ZMYM2: variants seen among roughly 807,000 people sequenced by gnomAD.
ZMYM2 encodes the protein zinc finger MYM-type protein 2.
Under a neutral mutation model 162.8 loss-of-function variants are expected in ZMYM2, and 56 were observed. That is an observed-to-expected ratio of 0.34 (90% CI 0.28 to 0.43). The LOEUF (loss-of-function observed/expected upper bound fraction) is 0.43. ZMYM2 is among the 20% of genes least tolerant of loss of function. The pLI is 1.00. For synonymous variants in ZMYM2, 510 were observed against 541.6 expected, an observed-to-expected ratio of 0.94 and a Z score of 0.81; for missense variants, 1,275 against 1,621.8, an observed-to-expected ratio of 0.79 and a Z score of 3.67.
the ZMYM2 span, chr13:19,864,084 C>G: frequency 6.6e-6 from 1 of 152,580 alleles, no homozygotes; most frequent in Admixed American, 6.5e-5. Context: ...CCCAACGCCT[C>G]TGCTCGAGGA....
At chr13:19,962,399 G>A (rs1165777755) in intron 2 of ZMYM2, among the ~76,000 whole-genome samples, 1 of 148,082 alleles carries the variant, frequency 6.8e-6, no homozygotes. Context: ...TGTCTCTCTA[G>A]CATTAATATG....
At chr13:19,971,340 G>A (rs59270756) in intron 2 of ZMYM2, among the ~76,000 whole-genome samples, 1 of 139,742 alleles carries the variant, frequency 7.2e-6, no homozygotes, top group East Asian at 2.2e-4. Flanking sequence ...GTGTGATCTC[G>A]GCTCACCACC....
intron 9 of ZMYM2, among the ~76,000 whole-genome samples, chr13:20,030,587 A>G (rs1305546014): frequency 1.3e-5 from 2 of 151,952 alleles, no homozygotes; most frequent in Non-Finnish European, 2.9e-5. Context: ...TTTAGTAGAG[A>G]CGGGGTTTTA....
At chr13:19,939,020 ATTT>A in the ZMYM2 span, among the ~76,000 whole-genome samples, 293 of 124,104 alleles carry the variant, frequency 2.4e-3, no homozygotes, top group Middle Eastern at 0.021. Context: ...CTTTGTTGTA[ATTT>A]TTTTTTTTTT....
chr13:19,879,149 TGA>T, the ZMYM2 span, among the ~76,000 whole-genome samples: 1 of 152,186 alleles, frequency 6.6e-6, no homozygotes, highest in Non-Finnish European at 1.5e-5. Context: ...TGATTCATTT[TGA>T]GTTAATTTTT....
At chr13:20,046,801 C>T (rs1226315420) in intron 12 of ZMYM2, among the ~76,000 whole-genome samples, 1 of 151,364 alleles carries the variant, frequency 6.6e-6, no homozygotes. Context: ...TTGTAGATGT[C>T]GTGTGTTCCA....
chr13:20,072,453 G>A lies in ZMYM2; in HGVS notation c.3453+5063G>A, dbSNP rs188338467. ...GGAGAATTGCTTGAACCTGGGAGGC[G>A]GAGGTTGCAGTGAGCTGAGATCACG... On this transcript the variant is annotated intron_variant, in intron 21 of 24. Coordinates refer to ENST00000610343, the MANE Select transcript of ZMYM2 (RefSeq NM_197968.4). Among the ~76,000 whole-genome samples, 182 of 152,258 alleles carry A rather than the reference G, an allele frequency of 1.2e-3. 2 individuals carry two copies. Among genetic ancestry groups the A allele is most frequent in the Middle Eastern group, 6.8e-3 (2 of 294 alleles).
chr13:19,885,925 ATG>A, the ZMYM2 span, among the ~76,000 whole-genome samples: 2 of 23,826 alleles, frequency 8.4e-5, 1 homozygote, highest in Non-Finnish European at 2.0e-4. Flanking sequence ...ACACATATAT[ATG>A]TGTATACACA....
chr13:20,029,855 T>C lies in ZMYM2; in HGVS notation c.1852-1464T>C, dbSNP rs369202764. 9.2e-5 allele frequency among the ~76,000 whole-genome samples: 14 copies of C among 152,194 alleles called. No individual in the cohort carries two copies. The East Asian group carries it at 2.7e-3, about 29-fold the overall frequency. On this transcript the variant is annotated intron_variant, in intron 9 of 24. Coordinates refer to ENST00000610343, the MANE Select transcript of ZMYM2 (RefSeq NM_197968.4). ...CTCTGTTGCCCAGGCTGGGGTGCAG[T>C]GGCATGATCTCGGCTCGCTGCAATC...
At chr13:19,965,301 T>G in intron 2 of ZMYM2, 1 of 1,284,782 alleles carries the variant, frequency 7.8e-7, no homozygotes, top group Non-Finnish European at 1.0e-6. Context: ...GACAACTAAA[T>G]TTTTGGGTTT....
At chr13:19,945,249 A>AT in the ZMYM2 span, among the ~76,000 whole-genome samples, 1 of 151,962 alleles carries the variant, frequency 6.6e-6, no homozygotes, top group Non-Finnish European at 1.5e-5. Context: ...GACTAATTTC[A>AT]TTTTTGGGGG....
At chr13:20,075,031 CTG>C (rs1254533320) in intron 21 of ZMYM2, among the ~76,000 whole-genome samples, 3 of 152,100 alleles carry the variant, frequency 2.0e-5, no homozygotes, top group African/African-American at 7.2e-5. Context: ...TTTTCAAAGA[CTG>C]TGGTATTTAT....
the ZMYM2 span, among the ~76,000 whole-genome samples, chr13:19,930,658 T>C: frequency 1.3e-5 from 2 of 150,604 alleles, no homozygotes; most frequent in Non-Finnish European, 1.5e-5. Context: ...CTGCCTCAGC[T>C]TCCTGAGAAT....
At chr13:20,051,640 C>A in intron 13 of ZMYM2, 42 bp downstream of exon 13, 1 of 1,559,404 alleles carries the variant, frequency 6.4e-7, no homozygotes, top group Non-Finnish European at 8.7e-7. Context: ...CCCTGTACAT[C>A]AGTCTTTACG....
intron 2 of ZMYM2, among the ~76,000 whole-genome samples, chr13:19,963,471 A>G (rs1278438791): frequency 1.3e-5 from 2 of 152,186 alleles, no homozygotes; most frequent in Non-Finnish European, 2.9e-5. Context: ...TAACAGTTGC[A>G]GCTTATTTTC....
At chr13:19,965,795 A>G (rs1439904289) in intron 2 of ZMYM2, among the ~76,000 whole-genome samples, 1 of 101,902 alleles carries the variant, frequency 9.8e-6, no homozygotes, top group Non-Finnish European at 1.8e-5. Flanking sequence ...TTTTTTTGAG[A>G]CGGAGTCTTG....
chr13:19,984,016 T>C (rs1461444244), intron 2 of ZMYM2, among the ~76,000 whole-genome samples: 7 of 152,218 alleles, frequency 4.6e-5, no homozygotes, highest in African/African-American at 1.7e-4. Context: ...TATAATACTC[T>C]TTGCTGTAAA....
At chr13:20,014,762 G>T (rs886238427) in intron 6 of ZMYM2, among the ~76,000 whole-genome samples, 16 of 92,822 alleles carry the variant, frequency 1.7e-4, no homozygotes, top group South Asian at 4.2e-4. Flanking sequence ...TTTACTTTAG[G>T]TTTTTTTTTT....
chr13:19,937,726 G>A, the ZMYM2 span, among the ~76,000 whole-genome samples: 1 of 151,214 alleles, frequency 6.6e-6, no homozygotes, highest in Non-Finnish European at 1.5e-5. Flanking sequence ...CCATGTTGGT[G>A]TGCTGCACCC....
Sources: allele counts gnomAD v4.1 joint callset (sites outside exome capture counted in the v4.1 genomes callset), GRCh38; gene constraint gnomAD v4.1.1; transcripts MANE v1.5; gene names NCBI Gene and HGNC (gene_info 2026-07-23, HGNC 2026-07-21).